FHDC1: variants seen among roughly 807,000 people sequenced by gnomAD.
FHDC1 encodes the protein FH2 domain-containing protein 1.
In FHDC1, 25 loss-of-function variants were observed where a neutral mutation model predicts 52.6. The observed-to-expected ratio is 0.48, with a 90% CI of 0.35 to 0.66. The LOEUF is 0.66. Among genes scored for constraint, FHDC1 ranks in the 30% least tolerant of loss-of-function variants. The pLI, the probability that FHDC1 is intolerant of heterozygous loss-of-function variation, is 0.01. For missense variants in FHDC1, 1,459 were observed against 1,452.8 expected (o/e 1.00, Z -0.07); for synonymous variants, 616 against 581.5 (o/e 1.06, Z -0.85).
chr4:152,954,248 C>G lies in FHDC1; in HGVS notation c.592C>G (p.Gln198Glu). 1 of 1,613,970 alleles carries G rather than the reference C, an allele frequency of 6.2e-7. No individual in the cohort carries two copies. Among genetic ancestry groups the G allele is most frequent in the Non-Finnish European group, 8.5e-7 (1 of 1,179,922 alleles). ...TCGGTCCATTGTAGAAGATATTCAT[C>G]AAGGAAAAAGTGAGCATTATGGATC... Reference protein sequence around the residue: ...SPRSIVEDIHQGKSEHYGSET... With the variant: ...SPRSIVEDIHEGKSEHYGSET... Residue 198 changes from glutamine (Q) to glutamate (E), a missense_variant, in exon 4 of 12, where the codon CAA becomes GAA. By Grantham distance (29) the Gln-to-Glu change is conservative (BLOSUM62 2). Coordinates refer to ENST00000511601, the MANE Select transcript of FHDC1 (RefSeq NM_001371116.1).
Position 152,977,102 on chromosome 4 carries a change from A to G in FHDC1, c.*379A>G. 1 of 162,008 alleles carries G rather than the reference A, an allele frequency of 6.2e-6. No individual in the cohort carries two copies. The highest frequency in any genetic ancestry group is 1.3e-5 in the Non-Finnish European group (1 of 74,746). 10.0% of individuals were successfully genotyped at this position (162,008 alleles called of 1,614,324 possible). ...ATATATCAAAGACTTTCTTTTTAAT[A>G]TAAAAATTAGCTAGGTGCAGTGGTT... On this transcript the variant is annotated 3_prime_UTR_variant, in exon 12 of 12. Coordinates refer to ENST00000511601, the MANE Select transcript of FHDC1 (RefSeq NM_001371116.1).
intron 6 of FHDC1, 35 bp from the exon 7 acceptor site, chr4:152,962,779 A>G (rs762147200): frequency 3.8e-6 from 6 of 1,573,254 alleles, no homozygotes; most frequent in East Asian, 2.2e-5. Flanking sequence ...AACTGAAGGC[A>G]TCTCTAAGGT....
chr4:152,916,246 G>A, the FHDC1 span, among the ~76,000 whole-genome samples: 1 of 152,174 alleles, frequency 6.6e-6, no homozygotes, highest in Admixed American at 6.5e-5. Context: ...TCACTTGAGT[G>A]TGTATTTGAC....
chr4:152,965,905 CCACTGGCCTGT>C (rs1740442645), intron 9 of FHDC1, among the ~76,000 whole-genome samples: 1 of 152,212 alleles, frequency 6.6e-6, no homozygotes, highest in African/African-American at 2.4e-5. Flanking sequence ...CACAGCCCTG[CCACTGGCCTGT>C]ACCTCAAAAG....
At chr4:152,947,806 A>T (rs1236017730) in intron 2 of FHDC1, among the ~76,000 whole-genome samples, 1 of 109,176 alleles carries the variant, frequency 9.2e-6, no homozygotes, top group East Asian at 2.9e-4. Flanking sequence ...AAAGAAGACC[A>T]CAGAAGAGAG....
At chr4:152,951,228 A>G (rs1739916553) in intron 2 of FHDC1, among the ~76,000 whole-genome samples, 1 of 152,190 alleles carries the variant, frequency 6.6e-6, no homozygotes, top group African/African-American at 2.4e-5. Flanking sequence ...CAACATACAG[A>G]TTCTTATGCA....
intron 1 of FHDC1, among the ~76,000 whole-genome samples, chr4:152,937,792 G>C (rs994771949): frequency 3.3e-5 from 5 of 152,112 alleles, no homozygotes; most frequent in Non-Finnish European, 5.9e-5. Flanking sequence ...CGCGCGGCCC[G>C]TGGGCCGCCC....
intron 9 of FHDC1, among the ~76,000 whole-genome samples, chr4:152,965,229 G>A (rs1740421619): frequency 6.6e-6 from 1 of 152,100 alleles, no homozygotes; most frequent in Admixed American, 6.5e-5. Flanking sequence ...TAAAAAATAT[G>A]GATTAATAAT....
At chr4:152,946,918 G>A (rs946537372) in intron 2 of FHDC1, among the ~76,000 whole-genome samples, 3 of 152,070 alleles carry the variant, frequency 2.0e-5, no homozygotes, top group African/African-American at 7.2e-5. Context: ...TAAATAGTGA[G>A]TTAGAACATT....
rs1199246820 is a variant in FHDC1, at chr4:152,976,803, C to T, written c.*80C>T. On this transcript the variant is annotated 3_prime_UTR_variant, in exon 12 of 12. Coordinates refer to ENST00000511601, the MANE Select transcript of FHDC1 (RefSeq NM_001371116.1). Reference sequence around the variant, plus strand: ...GGGACGAGGATGGGGAAAGAGGCAGCATGTCTTTGTTACAGATAAAGCAGC... The same window carrying T: ...GGGACGAGGATGGGGAAAGAGGCAGTATGTCTTTGTTACAGATAAAGCAGC... 1.3e-5 allele frequency: 18 copies of T among 1,431,606 alleles called. No individual in the cohort carries two copies. Among genetic ancestry groups the T allele is most frequent in the Non-Finnish European group, 1.4e-5 (15 of 1,087,216 alleles). 88.7% of individuals were successfully genotyped at this position (1,431,606 alleles called of 1,614,324 possible).
chr4:152,969,664 CG>C (rs1740573866), intron 10 of FHDC1, among the ~76,000 whole-genome samples: 1 of 145,718 alleles, frequency 6.9e-6, no homozygotes, highest in Admixed American at 6.9e-5. Context: ...TTCTGGCAGT[CG>C]TTTTTTTTTT....
chr4:152,916,576 T>TAA, the FHDC1 span, among the ~76,000 whole-genome samples: 1 of 137,896 alleles, frequency 7.3e-6, no homozygotes, highest in African/African-American at 2.6e-5. Flanking sequence ...ATAATAACAT[T>TAA]AAAAAAAAAA....
chr4:152,927,652 T>C, the FHDC1 span: 3 of 1,595,924 alleles, frequency 1.9e-6, no homozygotes, highest in Non-Finnish European at 2.6e-6. Context: ...AGCAGGAGTA[T>C]GAGGAACAGT....
intron 1 of FHDC1, 86 bp downstream of exon 1, chr4:152,936,495 G>A (rs1238845973): frequency 2.0e-5 from 3 of 152,414 alleles, no homozygotes; most frequent in East Asian, 3.9e-4. Flanking sequence ...GAGGGTCAGG[G>A]TTGGGGTGTT....
intron 6 of FHDC1, among the ~76,000 whole-genome samples, chr4:152,961,281 C>T (rs1740273025): frequency 6.6e-6 from 1 of 152,150 alleles, no homozygotes; most frequent in Non-Finnish European, 1.5e-5. Context: ...CAGAAGCAGA[C>T]CTCTTTTCCT....
intron 1 of FHDC1, among the ~76,000 whole-genome samples, chr4:152,938,124 G>T (rs1366343220): frequency 6.6e-6 from 1 of 151,708 alleles, no homozygotes; most frequent in Non-Finnish European, 1.5e-5. Context: ...ACCCACAGTT[G>T]TCTTCCTGGA....
intron 10 of FHDC1, among the ~76,000 whole-genome samples, chr4:152,968,622 G>A (rs141265484): frequency 2.8e-4 from 43 of 152,246 alleles, no homozygotes; most frequent in East Asian, 9.7e-4. Context: ...GAGCCACCGC[G>A]CCCAGCCCAA....
At chr4:152,936,245 C>G (rs1739368709), upstream of FHDC1, 1 of 152,244 alleles carries the variant, frequency 6.6e-6, no homozygotes, top group African/African-American at 2.4e-5. Flanking sequence ...AGCAGCGAGG[C>G]CGCAGCTTTG....
chr4:152,953,604 G>C, intron 3 of FHDC1, 44 bp downstream of exon 3: 1 of 1,524,894 alleles, frequency 6.6e-7, no homozygotes, highest in Non-Finnish European at 9.0e-7. Context: ...TATCCCTGCT[G>C]TCAGCATCAA....
Sources: gnomAD v4.1 joint callset for allele counts (sites outside exome capture counted in the v4.1 genomes callset) on GRCh38, gnomAD v4.1.1 for gene constraint, MANE v1.5 for transcripts, NCBI Gene and HGNC (gene_info 2026-07-23, HGNC 2026-07-21) for gene names.